The following ARL9 variants were observed in gnomAD, a reference collection of about 807,000 sequenced individuals.
The protein encoded by ARL9 is ARF like GTPase 9, also known as ADP-ribosylation factor-like protein 9.
Under a neutral mutation model 27.0 loss-of-function variants are expected in ARL9, and 14 were observed. The ratio of observed to expected loss-of-function variants is 0.52; its 90% CI spans 0.34 to 0.81. The LOEUF is 0.81. Ranked by LOEUF, ARL9 falls within the 30% of genes least tolerant of loss-of-function variation. ARL9 has a pLI of 0.01. For missense variants in ARL9, 294 were observed against 290.0 expected (o/e 1.01, Z -0.10); for synonymous variants, 106 against 108.7 (o/e 0.98, Z 0.15).
At chr4:56,505,749 C>G (rs1407341504), upstream of ARL9, 1 of 1,398,250 alleles carries the variant, frequency 7.2e-7, no homozygotes, top group African/African-American at 1.5e-5. Context: ...GTTGTCTACG[C>G]CGCGGGGCCT....
At chr4:56,513,396 T>C (rs1329256634) in intron 2 of ARL9, among the ~76,000 whole-genome samples, 1 of 152,178 alleles carries the variant, frequency 6.6e-6, no homozygotes, top group Non-Finnish European at 1.5e-5. Context: ...CTACAGATCA[T>C]CTCTAAAAAA....
At chr4:56,506,689 G>A (rs1721471412) in intron 1 of ARL9, 1 of 985,236 alleles carries the variant, frequency 1.0e-6, no homozygotes, top group African/African-American at 1.7e-5. Context: ...CATTATTTGG[G>A]TCAGCTGAAT....
intron 3 of ARL9, among the ~76,000 whole-genome samples, chr4:56,520,136 G>C (rs946342324): frequency 1.3e-5 from 2 of 152,066 alleles, no homozygotes; most frequent in Non-Finnish European, 2.9e-5. Context: ...CTGAGTAGCT[G>C]GGACTACAGG....
chr4:56,518,862 C>A lies in ARL9; in HGVS notation c.618+9C>A. The A allele has an allele frequency of 6.2e-7, 1 of 1,611,314 alleles. No individual in the cohort carries two copies. The highest frequency in any genetic ancestry group is 1.1e-5 in the South Asian group (1 of 90,628). On this transcript the variant is annotated intron_variant, in intron 3 of 3. Transcript: ENST00000640821. The stretch of plus-strand genomic sequence containing the variant: ...TGTTTGCAAACAAACAGGTAAAAAT[C>A]TGTGCAAATATAAATTGTACTCAAG...
intron 2 of ARL9, among the ~76,000 whole-genome samples, chr4:56,518,303 T>C (rs1208640506): frequency 2.6e-5 from 4 of 152,162 alleles, no homozygotes; most frequent in Non-Finnish European, 1.5e-5. Flanking sequence ...TCCCAAAATG[T>C]TGGGATTACA....
At chr4:56,515,871 C>G (rs1257171321) in intron 2 of ARL9, among the ~76,000 whole-genome samples, 1 of 152,066 alleles carries the variant, frequency 6.6e-6, no homozygotes, top group East Asian at 1.9e-4. Flanking sequence ...TAATTCTCCC[C>G]AAATTGACGT....
chr4:56,513,816 C>A lies in ARL9; in HGVS notation c.442+2469C>A, dbSNP rs564920419. ...GCTAACATGCTCCCAGTCAGTAGCT[C>A]CCCCAGTTTCTAATTCTGGAGCAAA... On this transcript the variant is annotated intron_variant, in intron 2 of 3. Coordinates refer to ENST00000640821, the MANE Select transcript of ARL9 (RefSeq NM_001363794.2). Among the ~76,000 whole-genome samples, 4 of 152,166 alleles carry A rather than the reference C, an allele frequency of 2.6e-5. No homozygotes were observed. In the East Asian group the frequency reaches 5.8e-4, roughly 22 times the overall value.
At position 56,518,722 on chromosome 4, in the gene ARL9, T is replaced by A. The variant is rs1489392432; in HGVS notation, c.487T>A (p.Ser163Thr). The change falls in exon 3 of 4, where the codon TCC becomes ACC. Residue 163 changes from serine to threonine, a missense_variant. Ser to Thr is a moderately conservative substitution (Grantham distance 58, BLOSUM62 1). Transcript: ENST00000640821. Reference sequence around the variant, plus strand: ...TCGGTCCTACTGGGAAATGTACCTATCCAAGGGATTGCTGCTGATCTTTGT... The same window carrying A: ...TCGGTCCTACTGGGAAATGTACCTAACCAAGGGATTGCTGCTGATCTTTGT... ...PFRSYWEMYL[S>T]KGLLLIFVVD... The A allele has an allele frequency of 1.2e-6, 2 of 1,613,860 alleles. No homozygotes were observed. Among genetic ancestry groups the A allele is most frequent in the Non-Finnish European group, 1.7e-6 (2 of 1,179,876 alleles).
At chr4:56,508,569 A>G (rs1051622888) in intron 1 of ARL9, among the ~76,000 whole-genome samples, 1 of 152,162 alleles carries the variant, frequency 6.6e-6, no homozygotes, top group Non-Finnish European at 1.5e-5. Flanking sequence ...TATTTTTACT[A>G]GAGACCGGAT....
In ARL9 at chr4:56,518,845, A is replaced by G. The variant is rs369859560; in HGVS notation, c.610A>G (p.Asn204Asp). The G allele has an allele frequency of 6.5e-5, 105 of 1,613,178 alleles. No individual in the cohort carries two copies. Among genetic ancestry groups the G allele is most frequent in the Middle Eastern group, 1.6e-4 (1 of 6,078 alleles). The change falls in exon 3 of 4, where the codon AAC (asparagine) becomes GAC (aspartate). Residue 204 changes from asparagine to aspartate, a missense_variant. Physicochemically the swap from Asn to Asp is conservative, Grantham distance 23. Coordinates refer to ENST00000640821, the MANE Select transcript of ARL9 (RefSeq NM_001363794.2). ...AGTACTTCCTCTGGTTGTGTTTGCA[A>G]ACAAACAGGTAAAAATCTGTGCAAA... ...NPVLPLVVFANKQDLEAAYHI... is the reference protein window; with the variant it reads ...NPVLPLVVFADKQDLEAAYHI...
At chr4:56,505,484 C>A (rs1421939788), upstream of ARL9, 2 of 471,716 alleles carry the variant, frequency 4.2e-6, no homozygotes, top group African/African-American at 2.0e-5. Flanking sequence ...ACGTGGAAGG[C>A]TCTTAGCCAC....
intron 1 of ARL9, among the ~76,000 whole-genome samples, chr4:56,507,497 T>G (rs1721498874): frequency 6.6e-6 from 1 of 150,718 alleles, no homozygotes; most frequent in Non-Finnish European, 1.5e-5. Flanking sequence ...GTATTTTTGG[T>G]AGAGATGGGG....
intron 2 of ARL9, among the ~76,000 whole-genome samples, chr4:56,515,658 G>C (rs1185319702): frequency 6.6e-6 from 1 of 152,116 alleles, no homozygotes; most frequent in Non-Finnish European, 1.5e-5. Flanking sequence ...CAAGACAACT[G>C]TATATAAAAA....
At chr4:56,519,817 A>G (rs1437873341) in intron 3 of ARL9, among the ~76,000 whole-genome samples, 1 of 152,120 alleles carries the variant, frequency 6.6e-6, no homozygotes, top group East Asian at 1.9e-4. Flanking sequence ...GCTACCCAAG[A>G]TAAATGGATA....
chr4:56,516,657 G>A (rs543251352), intron 2 of ARL9, among the ~76,000 whole-genome samples: 2 of 152,162 alleles, frequency 1.3e-5, no homozygotes, highest in South Asian at 4.1e-4. Context: ...GCAGCTGGGT[G>A]CAGTGGCTCA....
At chr4:56,507,803 A>G (rs1388985384) in intron 1 of ARL9, among the ~76,000 whole-genome samples, 1 of 151,410 alleles carries the variant, frequency 6.6e-6, no homozygotes, top group Non-Finnish European at 1.5e-5. Flanking sequence ...GCAAAACCCC[A>G]TCTCTACTAA....
At chr4:56,519,530 A>C (rs1721859421) in intron 3 of ARL9, among the ~76,000 whole-genome samples, 1 of 152,078 alleles carries the variant, frequency 6.6e-6, no homozygotes, top group South Asian at 2.1e-4. Flanking sequence ...GAATGGCGTG[A>C]ACCTGGGAGG....
chr4:56,520,242 A>T (rs1456610731), intron 3 of ARL9, among the ~76,000 whole-genome samples: 1 of 152,094 alleles, frequency 6.6e-6, no homozygotes, highest in Non-Finnish European at 1.5e-5. Flanking sequence ...GCCTCAAGTG[A>T]TCCACCCACC....
At chr4:56,505,623 C>T, upstream of ARL9, 1 of 635,802 alleles carries the variant, frequency 1.6e-6, no homozygotes. Context: ...ATCCGTACGC[C>T]TCCGCCCTTC....
Sources: gnomAD v4.1 joint callset for allele counts (sites outside exome capture counted in the v4.1 genomes callset) on GRCh38, gnomAD v4.1.1 for gene constraint, MANE v1.5 for transcripts, NCBI Gene and HGNC (gene_info 2026-07-23, HGNC 2026-07-21) for gene names.